ME3: variants seen among roughly 807,000 people sequenced by gnomAD.
ME3 encodes NADP-dependent malic enzyme, mitochondrial.
In ME3, 48 loss-of-function variants were observed where a neutral mutation model predicts 68.9. That is an observed-to-expected ratio of 0.70 (90% confidence interval 0.55 to 0.89). The LOEUF (loss-of-function observed/expected upper bound fraction) is 0.89. ME3 is among the 40% of genes least tolerant of loss of function. The pLI is 0.00. For missense variants in ME3, 675 were observed against 797.4 expected (o/e 0.85, Z 1.85); for synonymous variants, 320 against 318.8 (o/e 1.00, Z -0.04).
chr11:86,638,482 G>A (rs1296501870), intron 2 of ME3, among the ~76,000 whole-genome samples: 1 of 152,138 alleles, frequency 6.6e-6, no homozygotes, highest in African/African-American at 2.4e-5. Flanking sequence ...AACTTAATGT[G>A]TCTTTGTTAA....
chr11:86,617,626 C>CTT (rs1369552275), intron 2 of ME3, among the ~76,000 whole-genome samples: 2 of 152,052 alleles, frequency 1.3e-5, no homozygotes, highest in African/African-American at 4.8e-5. Context: ...ATTTGAGCTG[C>CTT]TTAGAAAAAC....
intron 4 of ME3, among the ~76,000 whole-genome samples, chr11:86,535,504 G>GA (rs1292697534): frequency 1.3e-5 from 2 of 152,162 alleles, no homozygotes; most frequent in African/African-American, 4.8e-5. Flanking sequence ...CTCCCCAGCT[G>GA]ATAGGCTGGA....
intron 4 of ME3, among the ~76,000 whole-genome samples, chr11:86,544,775 AG>A (rs1304947432): frequency 6.6e-6 from 1 of 152,196 alleles, no homozygotes; most frequent in Non-Finnish European, 1.5e-5. Flanking sequence ...TCCAAACAAT[AG>A]AAAGAGAGGG....
At chr11:86,664,773 C>T (rs992186059) in intron 2 of ME3, among the ~76,000 whole-genome samples, 2 of 152,160 alleles carry the variant, frequency 1.3e-5, no homozygotes, top group African/African-American at 4.8e-5. Flanking sequence ...TTGTGTTTTC[C>T]GTGGGCTCAA....
intron 2 of ME3, among the ~76,000 whole-genome samples, chr11:86,644,627 C>A (rs1311487104): frequency 6.6e-6 from 1 of 152,240 alleles, no homozygotes; most frequent in Non-Finnish European, 1.5e-5. Context: ...ACTGCAGCTT[C>A]TCCTCTGGCT....
At chr11:86,559,619 C>G in intron 3 of ME3, 71 bp downstream of exon 3, 3 of 1,496,892 alleles carry the variant, frequency 2.0e-6, no homozygotes, top group South Asian at 1.4e-5. Flanking sequence ...CCAGAAAACC[C>G]TCTGTGAAGC....
At chr11:86,483,427 C>T (rs1379041763) in intron 7 of ME3, among the ~76,000 whole-genome samples, 3 of 152,044 alleles carry the variant, frequency 2.0e-5, no homozygotes, top group Admixed American at 6.6e-5. Context: ...CTGAATTTCT[C>T]TGAAAACTAG....
At chr11:86,598,644 CT>C (rs1448162975) in intron 2 of ME3, among the ~76,000 whole-genome samples, 1 of 152,184 alleles carries the variant, frequency 6.6e-6, no homozygotes, top group African/African-American at 2.4e-5. Context: ...GGAAGACTGC[CT>C]CCTTAAGTGG....
intron 2 of ME3, among the ~76,000 whole-genome samples, chr11:86,617,435 A>G (rs1201010492): frequency 1.3e-5 from 2 of 152,166 alleles, no homozygotes; most frequent in African/African-American, 4.8e-5. Context: ...GAATCTGGAA[A>G]TGATAACTGA....
At chr11:86,655,794 C>A (rs11234730) in intron 2 of ME3, among the ~76,000 whole-genome samples, 1 of 151,080 alleles carries the variant, frequency 6.6e-6, no homozygotes, top group Non-Finnish European at 1.5e-5. Flanking sequence ...AAGAAACTAC[C>A]ATCAGAGTGA....
At chr11:86,648,592 T>C (rs1448741482) in intron 2 of ME3, among the ~76,000 whole-genome samples, 1 of 151,950 alleles carries the variant, frequency 6.6e-6, no homozygotes, top group Non-Finnish European at 1.5e-5. Flanking sequence ...GCTAGAACGA[T>C]TCTTCTCCTT....
chr11:86,646,292 T>C (rs1351532583), intron 2 of ME3, among the ~76,000 whole-genome samples: 2 of 152,176 alleles, frequency 1.3e-5, no homozygotes, highest in African/African-American at 4.8e-5. Context: ...GCAAGGAAGC[T>C]AAGAACCTTG....
intron 5 of ME3, among the ~76,000 whole-genome samples, chr11:86,499,586 G>A (rs1244132444): frequency 6.6e-6 from 1 of 152,186 alleles, no homozygotes; most frequent in African/African-American, 2.4e-5. Context: ...TACCCAAAGG[G>A]CTACGGGATC....
At chr11:86,602,153 G>A (rs1447298063) in intron 2 of ME3, among the ~76,000 whole-genome samples, 2 of 151,504 alleles carry the variant, frequency 1.3e-5, no homozygotes, top group East Asian at 3.9e-4. Flanking sequence ...AGGAAAAGAG[G>A]AAGTCAAATT....
intron 8 of ME3, among the ~76,000 whole-genome samples, chr11:86,453,304 T>A (rs1471810695): frequency 1.3e-5 from 2 of 152,082 alleles, no homozygotes; most frequent in East Asian, 3.9e-4. Flanking sequence ...CTGGCCAGAG[T>A]TGTTTTTGTT....
At chr11:86,596,192 A>G (rs1324386127) in intron 2 of ME3, among the ~76,000 whole-genome samples, 2 of 152,136 alleles carry the variant, frequency 1.3e-5, no homozygotes, top group Non-Finnish European at 2.9e-5. Flanking sequence ...TTTTTTTCCA[A>G]TGGAAAGCAT....
chr11:86,466,098 A>G (rs1950466299), intron 7 of ME3, among the ~76,000 whole-genome samples: 1 of 152,140 alleles, frequency 6.6e-6, no homozygotes, highest in Non-Finnish European at 1.5e-5. Flanking sequence ...CGAGTTTTGT[A>G]ACCTATTTTT....
intron 8 of ME3, among the ~76,000 whole-genome samples, chr11:86,452,578 A>G (rs1949693119): frequency 6.6e-6 from 1 of 152,210 alleles, no homozygotes; most frequent in South Asian, 2.1e-4. Context: ...GCAAGAAAAC[A>G]TGGAATGGAA....
intron 2 of ME3, among the ~76,000 whole-genome samples, chr11:86,610,293 A>G (rs1003515827): frequency 5.9e-5 from 9 of 152,078 alleles, no homozygotes; most frequent in African/African-American, 2.2e-4. Context: ...TATTTTTCAT[A>G]TTATCGTTAT....
Sources: gnomAD v4.1 joint callset for allele counts (sites outside exome capture counted in the v4.1 genomes callset) on GRCh38, gnomAD v4.1.1 for gene constraint, MANE v1.5 for transcripts, NCBI Gene and HGNC (gene_info 2026-07-23, HGNC 2026-07-21) for gene names.